KCNK9: variants seen among roughly 807,000 people sequenced by gnomAD.
KCNK9 encodes the protein potassium channel subfamily K member 9.
KCNK9 carries 1 observed loss-of-function variant against 10.8 expected under a neutral mutation model. That is an observed-to-expected ratio of 0.09 (90% confidence interval 0.03 to 0.44). KCNK9 has a LOEUF of 0.44. KCNK9 is among the 20% of genes least tolerant of loss of function. KCNK9 has a pLI of 0.97. For missense variants in KCNK9, 303 were observed against 515.0 expected (o/e 0.59, Z 3.98); for synonymous variants, 231 against 222.7 (o/e 1.04, Z -0.33).
At chr8:139,613,539 G>C (rs1376812824), downstream of KCNK9, among the ~76,000 whole-genome samples, 1 of 152,084 alleles carries the variant, frequency 6.6e-6, no homozygotes, top group Non-Finnish European at 1.5e-5. Context: ...GTGATTTTTG[G>C]CTTTCTTCTG....
At chr8:139,621,853 A>T (rs909153988) in intron 1 of KCNK9, among the ~76,000 whole-genome samples, 16 of 152,308 alleles carry the variant, frequency 1.1e-4, no homozygotes, top group South Asian at 4.1e-4. Flanking sequence ...AATGCTGGAG[A>T]ATAACAGGAG....
chr8:139,622,343 TA>T (rs765050438), intron 1 of KCNK9, among the ~76,000 whole-genome samples: 2 of 152,102 alleles, frequency 1.3e-5, no homozygotes, highest in Non-Finnish European at 2.9e-5. Flanking sequence ...TGGTACAGGG[TA>T]TCCTCCACTG....
rs114617571 is a variant in KCNK9, at chr8:139,650,484, T to C, written c.284-31385A>G. ...AGGAGCTGAGCAGAACTGGGTCCCC[T>C]GTGTGCACCTGGGTGTCTGGCTGCT... On this transcript the variant is annotated intron_variant, in intron 1 of 1. Transcript: ENST00000520439. 3.6e-3 allele frequency among the ~76,000 whole-genome samples: 541 copies of C among 152,234 alleles called. 3 individuals carry two copies. Among genetic ancestry groups the C allele is most frequent in the African/African-American group, 0.012 (483 of 41,530 alleles).
intron 1 of KCNK9, among the ~76,000 whole-genome samples, chr8:139,694,199 A>C (rs962447913): frequency 1.3e-5 from 2 of 152,162 alleles, no homozygotes; most frequent in Non-Finnish European, 2.9e-5. Flanking sequence ...GGGGAAGCTG[A>C]AAGTGAATTT....
In KCNK9 at chr8:139,618,873, C is replaced by T. The variant is rs780709164; in HGVS notation, c.510G>A (p.Thr170=). The part of the protein sequence containing the change: ...VTVGFFSCMG[T]LCIGAAAFSQ... ...AGAAGGCGGCCGCCCCGATGCACAGCGTCCCCATGCAGGAGAAGAAGCCCA... is the reference window on the plus strand; with the variant it reads ...AGAAGGCGGCCGCCCCGATGCACAGTGTCCCCATGCAGGAGAAGAAGCCCA... The change falls in exon 2 of 2, where the codon ACG becomes ACA. Residue 170 remains threonine (T), a synonymous_variant. Transcript: ENST00000520439. The surrounding 1 kb of genome is among the most constrained non-coding windows in gnomAD (Gnocchi z 7.9). The T allele has an allele frequency of 6.2e-7, 1 of 1,614,076 alleles. No homozygotes were observed. The highest frequency in any genetic ancestry group is 1.3e-5 in the African/African-American group (1 of 74,918).
At chr8:139,698,919 G>C (rs947171896) in intron 1 of KCNK9, among the ~76,000 whole-genome samples, 4 of 152,194 alleles carry the variant, frequency 2.6e-5, no homozygotes, top group African/African-American at 9.6e-5. Flanking sequence ...CCCCAAAGCT[G>C]TTTCTCAGAG....
At chr8:139,620,231 G>GT (rs11388803) in intron 1 of KCNK9, among the ~76,000 whole-genome samples, 35,273 of 152,046 alleles carry the variant, frequency 0.23, 4,410 homozygotes, top group African/African-American at 0.32. Flanking sequence ...CATGGACAGT[G>GT]TTTTTTTGGA....
At chr8:139,687,976 C>T (rs1816857509) in intron 1 of KCNK9, among the ~76,000 whole-genome samples, 1 of 151,958 alleles carries the variant, frequency 6.6e-6, no homozygotes. Flanking sequence ...AGTACTCATT[C>T]ATTATATATA....
In KCNK9 at chr8:139,693,954, G is replaced by C. The variant is rs1029448648; in HGVS notation, c.283+8756C>G. On this transcript the variant is annotated intron_variant, in intron 1 of 1. Coordinates refer to ENST00000520439, the MANE Select transcript of KCNK9 (RefSeq NM_001282534.2). The surrounding 1 kb of genome is among the most constrained non-coding windows in gnomAD (Gnocchi z 4.1). ...TTACTCCTTGAATGAGCCAGGGCTT[G>C]TATTCCAGTCCATAGCAATCCAACA... Among the ~76,000 whole-genome samples the C allele has an allele frequency of 6.6e-6, 1 of 152,178 alleles. No homozygotes were observed. Among genetic ancestry groups the C allele is most frequent in the East Asian group, 1.9e-4 (1 of 5,166 alleles).
At chr8:139,695,539 C>T (rs1315434709) in intron 1 of KCNK9, among the ~76,000 whole-genome samples, 4 of 152,202 alleles carry the variant, frequency 2.6e-5, no homozygotes, top group African/African-American at 7.2e-5. Context: ...GAGCTTTCTA[C>T]AGGTGGAGGT....
chr8:139,627,517 C>T (rs1028833632), intron 1 of KCNK9, among the ~76,000 whole-genome samples: 2 of 152,142 alleles, frequency 1.3e-5, no homozygotes, highest in African/African-American at 4.8e-5. Context: ...ATGAACTCAG[C>T]CACAGAAGAT....
chr8:139,607,123 G>A (rs185042132), intron 2 of KCNK9, among the ~76,000 whole-genome samples: 42 of 152,302 alleles, frequency 2.8e-4, no homozygotes, highest in Non-Finnish European at 5.1e-4. Context: ...CTGCTTCACT[G>A]GGTTCCCACT....
At chr8:139,664,949 G>A (rs1461595208) in intron 1 of KCNK9, among the ~76,000 whole-genome samples, 2 of 152,122 alleles carry the variant, frequency 1.3e-5, no homozygotes, top group African/African-American at 4.8e-5. Flanking sequence ...AAACCTGAGG[G>A]ATCTGGGGGG....
rs930878258 is a variant in KCNK9 at position 139,702,536 on chromosome 8, C to A, written c.283+174G>T. 3.3e-5 allele frequency among the ~76,000 whole-genome samples: 5 copies of A among 152,070 alleles called. No homozygotes were observed. Among genetic ancestry groups the A allele is most frequent in the African/African-American group, 1.2e-4 (5 of 41,438 alleles). ...GGTGGGGTCCCCGAAGGGTGAGGCT[C>A]GGAGGCGCCGCGGAGGGGGGGCTCC... On this transcript the variant is annotated intron_variant, in intron 1 of 1. Transcript: ENST00000520439. This position sits in a 1 kb window ranked among gnomAD's most constrained non-coding sequence, Gnocchi z 7.5.
At chr8:139,675,714 C>T (rs1222981210) in intron 1 of KCNK9, among the ~76,000 whole-genome samples, 1 of 151,510 alleles carries the variant, frequency 6.6e-6, no homozygotes, top group Admixed American at 6.6e-5. Context: ...CCAAGCTGAC[C>T]CCCCGCCTAG....
chr8:139,649,830 GA>G (rs776726565), intron 1 of KCNK9, among the ~76,000 whole-genome samples: 1 of 152,226 alleles, frequency 6.6e-6, no homozygotes, highest in Non-Finnish European at 1.5e-5. Flanking sequence ...TGGGTCTGGG[GA>G]TGCGGCAAAG....
intron 1 of KCNK9, among the ~76,000 whole-genome samples, chr8:139,662,856 A>C (rs1228051360): frequency 4.8e-4 from 3 of 6,252 alleles, no homozygotes; most frequent in South Asian, 4.3e-3. Flanking sequence ...GAAGGGAGGA[A>C]GGGGAGGGGT....
chr8:139,605,702 A>AT (rs1034778929), intron 2 of KCNK9, among the ~76,000 whole-genome samples: 8 of 152,268 alleles, frequency 5.3e-5, no homozygotes, highest in East Asian at 1.9e-4. Context: ...ACATTAAATG[A>AT]TTTTTTTTCT....
At position 139,702,838 on chromosome 8, in the gene KCNK9, T is replaced by A; in HGVS notation, c.155A>T (p.Tyr52Phe). ...CCGGTAGTCCTCGCTGCTGATGTTGTACTTCCCCTTGATCCGGATCTCCTC... is the reference window on the plus strand; with the variant it reads ...CCGGTAGTCCTCGCTGCTGATGTTGAACTTCCCCTTGATCCGGATCTCCTC... ...KAEEIRIKGK[Y>F]NISSEDYRQL... Residue 52 changes from tyrosine (Y) to phenylalanine (F), a missense_variant, in exon 1 of 2, where the codon TAC becomes TTC. Physicochemically the swap from Tyr to Phe is conservative, Grantham distance 22 (BLOSUM62 3). Coordinates refer to ENST00000520439, the MANE Select transcript of KCNK9 (RefSeq NM_001282534.2). This position sits in a 1 kb window ranked among gnomAD's most constrained non-coding sequence, Gnocchi z 7.5. 2 of 1,613,986 alleles carry A rather than the reference T, an allele frequency of 1.2e-6. No homozygotes were observed. Among genetic ancestry groups the A allele is most frequent in the Non-Finnish European group, 1.7e-6 (2 of 1,179,962 alleles).
Sources: gnomAD v4.1 joint callset for allele counts (sites outside exome capture counted in the v4.1 genomes callset) on GRCh38, gnomAD v4.1.1 for gene constraint, Gnocchi (gnomAD v3.1) non-coding constraint, MANE v1.5 for transcripts, NCBI Gene and HGNC (gene_info 2026-07-23, HGNC 2026-07-21) for gene names.